The following NFASC variants were observed in gnomAD, a reference collection of about 807,000 sequenced individuals.
NFASC encodes neurofascin homolog.
A neutral mutation model predicts 147.5 loss-of-function variants in NFASC; 43 were observed. The ratio of observed to expected loss-of-function variants is 0.29; its 90% confidence interval spans 0.23 to 0.38. The LOEUF is 0.38. NFASC is among the 10% of genes least tolerant of loss of function. NFASC has a pLI of 1.00. For synonymous variants in NFASC, 622 were observed against 665.5 expected, an observed-to-expected ratio of 0.93 and a Z score of 1.01; for missense variants, 1,320 against 1,689.0, an observed-to-expected ratio of 0.78 and a Z score of 3.83.
At chr1:204,937,995 A>G (rs1439330878) in intron 2 of NFASC, among the ~76,000 whole-genome samples, 5 of 152,210 alleles carry the variant, frequency 3.3e-5, no homozygotes, top group Admixed American at 6.5e-5. Flanking sequence ...CAGGAGACGA[A>G]GAGCTGCCAG....
Position 204,954,158 on chromosome 1 carries a change from T to C in NFASC, c.216-30T>C. ...GAGCCCAGAGCCCACCCCATTCGTCTTGGTTGCCACTGCTCCCCACTCTCC... is the reference window on the plus strand; with the variant it reads ...GAGCCCAGAGCCCACCCCATTCGTCCTGGTTGCCACTGCTCCCCACTCTCC... On this transcript the variant is annotated intron_variant, in intron 5 of 29. Coordinates refer to ENST00000339876, the MANE Select transcript of NFASC (RefSeq NM_001005388.3). This position sits in a 1 kb window ranked among gnomAD's most constrained non-coding sequence, Gnocchi z 5.7. 1 of 1,610,178 alleles carries C rather than the reference T, an allele frequency of 6.2e-7. No individual in the cohort carries two copies. Among genetic ancestry groups the C allele is most frequent in the Non-Finnish European group, 8.5e-7 (1 of 1,176,672 alleles).
Position 204,987,641 on chromosome 1 carries a change from G to C in NFASC, c.2593+101G>C. 7.0e-7 allele frequency: 1 copy of C among 1,421,546 alleles called. No individual in the cohort carries two copies. Among genetic ancestry groups the C allele is most frequent in the Non-Finnish European group, 9.8e-7 (1 of 1,023,004 alleles). The allele number at this position is 1,421,546 out of a possible 1,614,324, so 88.1% of individuals were successfully genotyped here. On this transcript the variant is annotated intron_variant, in intron 22 of 29. Transcript: ENST00000339876. This position sits in a 1 kb window ranked among gnomAD's most constrained non-coding sequence, Gnocchi z 4.4. ...TCAAGGTAGAAAGCCTGTGGGTGCA[G>C]ATGGCATTGTGGAGGGATGGAGGGG... is the stretch of plus-strand genomic sequence containing the variant.
chr1:204,963,134 T>C (rs1004064464), intron 8 of NFASC, among the ~76,000 whole-genome samples: 2 of 151,598 alleles, frequency 1.3e-5, no homozygotes, highest in Admixed American at 1.3e-4. Flanking sequence ...GGATGATGAG[T>C]GACTGGAGAA....
chr1:205,008,974 G>GTGTA, intron 27 of NFASC: 2 of 168,732 alleles, frequency 1.2e-5, no homozygotes, highest in South Asian at 1.5e-4. Context: ...AGATGACAGG[G>GTGTA]CATCCTGGGC....
chr1:204,957,891 C>T, intron 8 of NFASC, 65 bp downstream of exon 8: 2 of 1,486,760 alleles, frequency 1.3e-6, no homozygotes, highest in South Asian at 2.3e-5. Flanking sequence ...CCCACCCAGC[C>T]CTAGGTACCT....
intron 27 of NFASC, among the ~76,000 whole-genome samples, chr1:205,005,661 G>A (rs1016460107): frequency 1.3e-5 from 2 of 152,202 alleles, no homozygotes; most frequent in Middle Eastern, 3.2e-3. Context: ...CAGAGTCCAG[G>A]TCATGGAGTC....
At chr1:204,844,013 C>T (rs1453792229) in intron 1 of NFASC, among the ~76,000 whole-genome samples, 1 of 152,166 alleles carries the variant, frequency 6.6e-6, no homozygotes, top group Non-Finnish European at 1.5e-5. Flanking sequence ...GCTGGGATTA[C>T]AGGCATGAGC....
intron 1 of NFASC, among the ~76,000 whole-genome samples, chr1:204,911,851 C>G (rs2087596350): frequency 1.3e-5 from 2 of 151,906 alleles, no homozygotes; most frequent in Non-Finnish European, 2.9e-5. Context: ...GGAAATGTGG[C>G]AGTTTGTGTT....
chr1:204,903,676 A>G (rs2085154036), intron 1 of NFASC, among the ~76,000 whole-genome samples: 1 of 152,248 alleles, frequency 6.6e-6, no homozygotes, highest in African/African-American at 2.4e-5. Context: ...GAGATGTTTC[A>G]TAAATCAGAA....
intron 1 of NFASC, among the ~76,000 whole-genome samples, chr1:204,840,339 T>C (rs1342734717): frequency 2.0e-5 from 3 of 152,208 alleles, no homozygotes; most frequent in Non-Finnish European, 4.4e-5. Flanking sequence ...TCTCTGAGGG[T>C]TGGGTCTAGG....
At position 205,021,679 on chromosome 1, in the gene NFASC, CAG is replaced by C. The variant is rs1333880500; in HGVS notation, c.*5143_*5144del. ...CTCACCACAGCTGCCTCCTTTGAAA[CAG>C]AGGTATTAAGATCTGTCCTTCTGGT... On this transcript the variant is annotated 3_prime_UTR_variant, in exon 30 of 30. Transcript: ENST00000339876. 1 of 153,496 alleles carries C rather than the reference CAG, an allele frequency of 6.5e-6. No individual in the cohort carries two copies. Among genetic ancestry groups the C allele is most frequent in the East Asian group, 1.9e-4 (1 of 5,196 alleles). 9.5% of individuals were successfully genotyped at this position (153,496 alleles called of 1,614,324 possible). A position where few individuals can be genotyped will look rare whatever the true frequency, so the allele number is the denominator to read the frequency against.
At chr1:204,931,449 G>C (rs2092356651) in intron 2 of NFASC, among the ~76,000 whole-genome samples, 1 of 152,164 alleles carries the variant, frequency 6.6e-6, no homozygotes, top group African/African-American at 2.4e-5. Context: ...CATTGGCTCT[G>C]TTGGGCTTTT....
At chr1:204,901,389 G>A (rs910146200) in intron 1 of NFASC, among the ~76,000 whole-genome samples, 2 of 152,190 alleles carry the variant, frequency 1.3e-5, no homozygotes, top group Non-Finnish European at 2.9e-5. Context: ...GAGAAAGGAG[G>A]AAACCCGGGA....
intron 1 of NFASC, among the ~76,000 whole-genome samples, chr1:204,829,806 T>G (rs55846489): frequency 0.31 from 46,900 of 151,964 alleles, 11,935 homozygotes; most frequent in East Asian, 0.78. Context: ...GAGGGCTGGA[T>G]AATTTTGGAT....
chr1:204,926,515 G>T (rs2091619481), intron 2 of NFASC, among the ~76,000 whole-genome samples: 1 of 146,496 alleles, frequency 6.8e-6, no homozygotes, highest in South Asian at 2.2e-4. Context: ...CTGGGCTCAA[G>T]TGATCCTCCC....
chr1:204,977,741 C>T lies in NFASC; in HGVS notation c.1876+16C>T. The stretch of plus-strand genomic sequence containing the variant: ...CTGCCCAAAGGTAATTCCCACTAAT[C>T]ACAGTCCCCTGCCAGTGCCCTCTCT... On this transcript the variant is annotated intron_variant, in intron 17 of 29. Coordinates refer to ENST00000339876, the MANE Select transcript of NFASC (RefSeq NM_001005388.3). 1 of 1,605,466 alleles carries T rather than the reference C, an allele frequency of 6.2e-7. No homozygotes were observed. Among genetic ancestry groups the T allele is most frequent in the Non-Finnish European group, 8.5e-7 (1 of 1,173,322 alleles).
intron 1 of NFASC, among the ~76,000 whole-genome samples, chr1:204,878,270 G>T (rs1273819134): frequency 6.6e-6 from 1 of 152,154 alleles, no homozygotes; most frequent in Non-Finnish European, 1.5e-5. Context: ...AAGAAACTGA[G>T]GAGAGTCTCA....
At chr1:204,977,203 C>T in intron 16 of NFASC, 1 of 838,114 alleles carries the variant, frequency 1.2e-6, no homozygotes, top group Non-Finnish European at 1.5e-6. Context: ...TTCCCTCCCG[C>T]TCCATCCCTG....
intron 2 of NFASC, among the ~76,000 whole-genome samples, chr1:204,932,399 C>A (rs1051792982): frequency 2.0e-5 from 3 of 152,208 alleles, no homozygotes; most frequent in Admixed American, 6.5e-5. Flanking sequence ...CCTGGATCTT[C>A]CATTCCATAA....
Sources: gnomAD v4.1 joint callset for allele counts (sites outside exome capture counted in the v4.1 genomes callset) on GRCh38, gnomAD v4.1.1 for gene constraint, Gnocchi (gnomAD v3.1) non-coding constraint, MANE v1.5 for transcripts, NCBI Gene and HGNC (gene_info 2026-07-23, HGNC 2026-07-21) for gene names.